PHB1: variants seen among roughly 807,000 people sequenced by gnomAD.
PHB1 encodes the protein prohibitin 1, also known as epididymis luminal protein 215.
the PHB1 span, chr17:49,409,316 C>T: frequency 6.1e-5 from 99 of 1,613,884 alleles, 3 homozygotes; most frequent in South Asian, 6.0e-4. Context: ...AGGCTAAAGG[C>T]CCCTGTTCAC....
chr17:49,411,199 C>CTT, the PHB1 span, among the ~76,000 whole-genome samples: 36 of 117,462 alleles, frequency 3.1e-4, no homozygotes, highest in East Asian at 7.0e-4. Context: ...TAGAAGCAGG[C>CTT]TTTTTTTTTT....
chr17:49,409,301 G>T, the PHB1 span: 1 of 1,613,818 alleles, frequency 6.2e-7, no homozygotes. Flanking sequence ...GGTGCTCTGG[G>T]CTCGAGGCTA....
chr17:49,410,809 T>C, the PHB1 span, among the ~76,000 whole-genome samples: 42 of 152,290 alleles, frequency 2.8e-4, no homozygotes, highest in African/African-American at 7.2e-4. Flanking sequence ...TTGGGGAAAA[T>C]TGAAGGAGAA....
the PHB1 span, among the ~76,000 whole-genome samples, chr17:49,414,033 A>C: frequency 6.6e-6 from 1 of 152,228 alleles, no homozygotes; most frequent in Admixed American, 6.5e-5. Context: ...GTTGATGCCA[A>C]CAAAAAAAGT....
the PHB1 span, among the ~76,000 whole-genome samples, chr17:49,410,416 A>G: frequency 2.6e-5 from 4 of 152,164 alleles, no homozygotes; most frequent in Non-Finnish European, 1.5e-5. Flanking sequence ...GAGCATCATA[A>G]AGAGTTTATA....
At chr17:49,404,337 C>G in the PHB1 span, 1 of 153,910 alleles carries the variant, frequency 6.5e-6, no homozygotes, top group Non-Finnish European at 1.4e-5. Context: ...CAAGTCCATC[C>G]AAGTTTTAGG....
At chr17:49,409,545 T>TG in the PHB1 span, 4 of 764,654 alleles carry the variant, frequency 5.2e-6, no homozygotes, top group Non-Finnish European at 5.6e-6. Flanking sequence ...TTTTTTTTGT[T>TG]TTTTTTTTTT....
the PHB1 span, chr17:49,411,653 T>C: frequency 1.2e-6 from 2 of 1,607,994 alleles, no homozygotes; most frequent in Non-Finnish European, 1.7e-6. Context: ...CTCCCTACTT[T>C]ACCTGAACCA....
the PHB1 span, chr17:49,405,198 GC>G: frequency 6.2e-7 from 1 of 1,613,706 alleles, no homozygotes; most frequent in Non-Finnish European, 8.5e-7. Flanking sequence ...TTTTTCTGTT[GC>G]TCAGCCTAAA....
the PHB1 span, chr17:49,406,961 G>T: frequency 1.3e-6 from 1 of 768,316 alleles, no homozygotes; most frequent in Non-Finnish European, 2.3e-6. Context: ...GGCTCTAGCA[G>T]CTGGAGGCAT....
At chr17:49,406,709 T>C in the PHB1 span, 92 of 1,293,828 alleles carry the variant, frequency 7.1e-5, 2 homozygotes, top group East Asian at 7.8e-4. Flanking sequence ...GGAAGCTGAG[T>C]GCCGGAGAAA....
At chr17:49,409,532 G>GA in the PHB1 span, 1 of 744,666 alleles carries the variant, frequency 1.3e-6, no homozygotes, top group South Asian at 2.1e-5. Flanking sequence ...GAAAACAAGT[G>GA]TTTTTTTTTT....
the PHB1 span, chr17:49,406,700 G>A: frequency 8.3e-7 from 1 of 1,205,974 alleles, no homozygotes; most frequent in East Asian, 2.3e-5. Context: ...AGCAAATGGG[G>A]AAGCTGAGTG....
chr17:49,409,583 C>A, the PHB1 span: 1 of 883,142 alleles, frequency 1.1e-6, no homozygotes, highest in Admixed American at 2.5e-5. Context: ...CTCTTGTTGC[C>A]TAGGCTGGAG....
At chr17:49,406,891 G>T in the PHB1 span, 1 of 1,443,912 alleles carries the variant, frequency 6.9e-7, no homozygotes. Context: ...GAGGCAGTGT[G>T]ATTGCTTCGA....
At chr17:49,412,207 T>C in the PHB1 span, 3 of 190,446 alleles carry the variant, frequency 1.6e-5, no homozygotes, top group Non-Finnish European at 3.3e-5. Flanking sequence ...CACATATCCA[T>C]CGGGCTCCAA....
chr17:49,410,833 G>A, the PHB1 span, among the ~76,000 whole-genome samples: 2 of 152,222 alleles, frequency 1.3e-5, no homozygotes, highest in African/African-American at 4.8e-5. Context: ...AGACGTAAAA[G>A]CACTCTGTCA....
the PHB1 span, chr17:49,414,115 T>A: frequency 6.6e-6 from 1 of 152,174 alleles, no homozygotes. Context: ...AATTACCCTA[T>A]GAAGCATATT....
the PHB1 span, chr17:49,406,928 C>CTCTTCTTCCA: frequency 3.7e-6 from 4 of 1,068,570 alleles, no homozygotes; most frequent in Non-Finnish European, 5.8e-6. Flanking sequence ...GCTCCATGGC[C>CTCTTCTTCCA]GCTGGAAGAA....
Sources: allele counts gnomAD v4.1 joint callset (sites outside exome capture counted in the v4.1 genomes callset), GRCh38; gene constraint gnomAD v4.1.1; transcripts MANE v1.5; gene names NCBI Gene and HGNC (gene_info 2026-07-23, HGNC 2026-07-21).